LMCD1: variants seen among roughly 807,000 people sequenced by gnomAD.
LMCD1 encodes LIM and cysteine rich domains 1.
In LMCD1, 32 loss-of-function variants were observed where a neutral mutation model predicts 42.7. That is an observed-to-expected ratio of 0.75 (90% confidence interval 0.57 to 1.01). The LOEUF (loss-of-function observed/expected upper bound fraction) is 1.01, where lower values mean the gene tolerates loss of function less well. Among genes scored for constraint, LMCD1 ranks in the 50% least tolerant of loss-of-function variants. The pLI is 0.00. For missense variants in LMCD1, 458 were observed against 483.1 expected, an observed-to-expected ratio of 0.95 and a Z score of 0.49; for synonymous variants, 178 against 184.9, an observed-to-expected ratio of 0.96 and a Z score of 0.30.
intron 5 of LMCD1, among the ~76,000 whole-genome samples, chr3:8,567,159 T>C (rs544888599): frequency 2.2e-4 from 34 of 152,314 alleles, no homozygotes; most frequent in African/African-American, 7.0e-4. Flanking sequence ...AACTAAACTT[T>C]AGATTTGACC....
intron 5 of LMCD1, among the ~76,000 whole-genome samples, chr3:8,566,910 A>G (rs1209999115): frequency 6.6e-6 from 1 of 152,210 alleles, no homozygotes; most frequent in Non-Finnish European, 1.5e-5. Context: ...CAAAGCTGGT[A>G]GATGTCTTAA....
chr3:8,561,405 T>C (rs1695033387), intron 4 of LMCD1, among the ~76,000 whole-genome samples: 1 of 150,654 alleles, frequency 6.6e-6, no homozygotes, highest in South Asian at 2.1e-4. Context: ...TTTTCCAATA[T>C]AGGTCTACTA....
At chr3:8,550,112 A>G in intron 4 of LMCD1, 1 of 1,404,126 alleles carries the variant, frequency 7.1e-7, no homozygotes, top group South Asian at 1.5e-5. Context: ...ATTTTGAGAA[A>G]ACAGAAAGGA....
intron 1 of LMCD1, among the ~76,000 whole-genome samples, chr3:8,529,910 C>T (rs544038755): frequency 1.3e-5 from 2 of 152,294 alleles, no homozygotes; most frequent in South Asian, 2.1e-4. Context: ...GGCAGCATCC[C>T]GTTTAACCTC....
intron 4 of LMCD1, among the ~76,000 whole-genome samples, chr3:8,554,672 CT>C (rs1694899379): frequency 6.6e-6 from 1 of 152,192 alleles, no homozygotes; most frequent in Admixed American, 6.5e-5. Context: ...CGCTCCCCAC[CT>C]GGATGGAACT....
intron 1 of LMCD1, among the ~76,000 whole-genome samples, chr3:8,518,757 G>T (rs985269462): frequency 6.6e-6 from 1 of 152,146 alleles, no homozygotes; most frequent in African/African-American, 2.4e-5. Flanking sequence ...AAGAAGAGAG[G>T]AGAAGAGCCA....
At position 8,537,228 on chromosome 3, in the gene LMCD1, C is replaced by A. The variant is rs747010327; in HGVS notation, c.175C>A (p.Leu59Ile). The change falls in exon 3 of 6, where the codon CTA becomes ATA. Residue 59 changes from leucine (L) to isoleucine (I), a missense_variant. By Grantham distance (5) the Leu-to-Ile change is conservative. Coordinates refer to ENST00000157600, the MANE Select transcript of LMCD1 (RefSeq NM_014583.4). ...CAAATGCAGCCAAGAGGACCACTGCCTAACATCTGACCTAGAAGACGATCG... is the reference window on the plus strand; with the variant it reads ...CAAATGCAGCCAAGAGGACCACTGCATAACATCTGACCTAGAAGACGATCG... ...SCKCSQEDHC[L>I]TSDLEDDRKI... is the part of the protein sequence containing the mutation. 1 of 1,614,192 alleles carries A rather than the reference C, an allele frequency of 6.2e-7. No individual in the cohort carries two copies. Among genetic ancestry groups the A allele is most frequent in the Non-Finnish European group, 8.5e-7 (1 of 1,180,036 alleles).
chr3:8,510,242 T>C (rs972976139), intron 1 of LMCD1, among the ~76,000 whole-genome samples: 4 of 152,146 alleles, frequency 2.6e-5, no homozygotes, highest in African/African-American at 9.7e-5. Flanking sequence ...ATCCCAGCTC[T>C]GCCCTCATCC....
intron 1 of LMCD1, among the ~76,000 whole-genome samples, chr3:8,510,190 A>T (rs1693968840): frequency 6.6e-6 from 1 of 152,076 alleles, no homozygotes; most frequent in African/African-American, 2.4e-5. Context: ...GAGGTGACTG[A>T]CCCGTGCAAT....
chr3:8,530,042 G>T (rs570165487), intron 1 of LMCD1, among the ~76,000 whole-genome samples: 1 of 152,268 alleles, frequency 6.6e-6, no homozygotes, highest in South Asian at 2.1e-4. Context: ...TAAAACCCGG[G>T]ACTAAAGCCT....
At chr3:8,517,513 G>T (rs1264573635) in intron 1 of LMCD1, among the ~76,000 whole-genome samples, 1 of 152,164 alleles carries the variant, frequency 6.6e-6, no homozygotes, top group East Asian at 1.9e-4. Flanking sequence ...CCAGAAGTTT[G>T]GGTCGTGGAC....
chr3:8,543,410 G>A (rs963093156), intron 3 of LMCD1, among the ~76,000 whole-genome samples: 1 of 140,698 alleles, frequency 7.1e-6, no homozygotes, highest in African/African-American at 2.8e-5. Flanking sequence ...TAGATAGATA[G>A]ATAGATAGAT....
intron 4 of LMCD1, among the ~76,000 whole-genome samples, chr3:8,553,032 A>C (rs1310438739): frequency 6.6e-6 from 1 of 152,280 alleles, no homozygotes; most frequent in South Asian, 2.1e-4. Flanking sequence ...GATTACCCCA[A>C]GCGAGCCCAC....
chr3:8,563,394 A>G (rs977751462), intron 4 of LMCD1, among the ~76,000 whole-genome samples: 36 of 152,370 alleles, frequency 2.4e-4, no homozygotes, highest in African/African-American at 8.2e-4. Flanking sequence ...CAAAGGCCTC[A>G]TGGCAGGGTG....
chr3:8,523,782 A>C (rs551714819), intron 1 of LMCD1, among the ~76,000 whole-genome samples: 1 of 152,344 alleles, frequency 6.6e-6, no homozygotes, highest in South Asian at 2.1e-4. Context: ...AATAGACTGG[A>C]AAGAGTCATT....
intron 4 of LMCD1, chr3:8,551,026 C>T (rs918492538): frequency 2.0e-6 from 2 of 985,210 alleles, no homozygotes; most frequent in African/African-American, 1.7e-5. Context: ...CAATACTAGA[C>T]AGTAAATGGA....
chr3:8,503,393 G>C (rs973539082), intron 1 of LMCD1, among the ~76,000 whole-genome samples: 1 of 152,192 alleles, frequency 6.6e-6, no homozygotes, highest in Non-Finnish European at 1.5e-5. Flanking sequence ...CATTTGTCTG[G>C]AATGTATCAT....
intron 5 of LMCD1, among the ~76,000 whole-genome samples, chr3:8,566,244 C>T (rs1695130898): frequency 1.3e-5 from 2 of 152,144 alleles, no homozygotes; most frequent in African/African-American, 4.8e-5. Flanking sequence ...AGATTCAAGT[C>T]TCTGATACTG....
At chr3:8,503,875 A>G (rs2125007396) in intron 1 of LMCD1, among the ~76,000 whole-genome samples, 1 of 152,272 alleles carries the variant, frequency 6.6e-6, no homozygotes, top group Non-Finnish European at 1.5e-5. Context: ...ATGAGGTGAG[A>G]TGAGGTATAT....
Sources: gnomAD v4.1 joint callset for allele counts (sites outside exome capture counted in the v4.1 genomes callset) on GRCh38, gnomAD v4.1.1 for gene constraint, MANE v1.5 for transcripts, NCBI Gene and HGNC (gene_info 2026-07-23, HGNC 2026-07-21) for gene names.